The following CDH4 variants were observed in gnomAD, a reference collection of about 807,000 sequenced individuals.
CDH4 encodes the protein cadherin 4.
Under a neutral mutation model 86.0 loss-of-function variants are expected in CDH4, and 33 were observed. The observed-to-expected ratio is 0.38, with a 90% CI of 0.29 to 0.51. The LOEUF is 0.51. Among genes scored for constraint, CDH4 ranks in the 20% least tolerant of loss-of-function variants. The pLI is 0.86. For synonymous variants in CDH4, 555 were observed against 549.4 expected (o/e 1.01, Z -0.14); for missense variants, 1,114 against 1,307.4 (o/e 0.85, Z 2.28).
intron 3 of CDH4, 21 bp downstream of exon 3, chr20:61,743,810 T>G: frequency 6.5e-7 from 1 of 1,549,008 alleles, no homozygotes; most frequent in South Asian, 1.2e-5. Context: ...ACCGCCCGGG[T>G]CTGCGCTGGA....
intron 2 of CDH4, 21 bp downstream of exon 2, chr20:61,254,958 G>T: frequency 1.5e-6 from 2 of 1,365,944 alleles, no homozygotes; most frequent in East Asian, 2.3e-5. Flanking sequence ...GTGTGGAGGG[G>T]TGGGAGTGAA....
chr20:61,619,697 G>A (rs184322219), intron 2 of CDH4, among the ~76,000 whole-genome samples: 15 of 152,348 alleles, frequency 9.8e-5, no homozygotes, highest in South Asian at 2.1e-4. Context: ...ATGTCAAGCC[G>A]TTGTGATCTG....
chr20:61,662,356 G>A (rs903745158), intron 2 of CDH4, among the ~76,000 whole-genome samples: 1 of 152,242 alleles, frequency 6.6e-6, no homozygotes, highest in African/African-American at 2.4e-5. Flanking sequence ...CTCTGTCAGG[G>A]CAAGTGTAGC....
intron 11 of CDH4, among the ~76,000 whole-genome samples, chr20:61,926,521 C>T (rs1386203721): frequency 1.3e-5 from 2 of 152,176 alleles, no homozygotes; most frequent in Non-Finnish European, 2.9e-5. Flanking sequence ...TCAGGGGAAG[C>T]GTCTCCCCTT....
chr20:61,311,859 C>T (rs1017090440), intron 2 of CDH4, among the ~76,000 whole-genome samples: 4 of 152,262 alleles, frequency 2.6e-5, no homozygotes, highest in Admixed American at 6.5e-5. Flanking sequence ...CAGGGCGGGG[C>T]GGCCAGTGCA....
Position 61,252,637 on chromosome 20 carries a change from C to T in CDH4, c.57+67C>T. On this transcript the variant is annotated intron_variant, in intron 1 of 15. Transcript: ENST00000614565. This position sits in a 1 kb window ranked among gnomAD's most constrained non-coding sequence, Gnocchi z 4.4. ...GCAGCGGGAGGTCGTCCCCGGATCCCGCGGGGCGCTCACACACCCGGCGGG... is the reference window on the plus strand; with the variant it reads ...GCAGCGGGAGGTCGTCCCCGGATCCTGCGGGGCGCTCACACACCCGGCGGG... The T allele has an allele frequency of 9.0e-6, 9 of 999,522 alleles. No individual in the cohort carries two copies. In the South Asian group the frequency reaches 2.5e-4, roughly 28 times the overall value. The allele number at this position is 999,522 out of a possible 1,614,324, so 61.9% of individuals were successfully genotyped here.
chr20:61,494,695 A>G (rs1457862539), intron 2 of CDH4, among the ~76,000 whole-genome samples: 2 of 152,254 alleles, frequency 1.3e-5, no homozygotes, highest in African/African-American at 4.8e-5. Context: ...TCTCTAAGAG[A>G]CATCTAGTCA....
chr20:61,928,521 G>A, intron 12 of CDH4, 98 bp downstream of exon 12: 1 of 995,380 alleles, frequency 1.0e-6, no homozygotes, highest in Non-Finnish European at 1.5e-6. Flanking sequence ...CCAGAGGTGG[G>A]TGACAGTCCT....
chr20:61,668,221 C>A (rs1300881174), intron 2 of CDH4, among the ~76,000 whole-genome samples: 1 of 152,214 alleles, frequency 6.6e-6, no homozygotes, highest in Non-Finnish European at 1.5e-5. Context: ...GTGTATTTAT[C>A]TAGCGGGAGG....
At chr20:61,497,219 T>C (rs895540879) in intron 2 of CDH4, among the ~76,000 whole-genome samples, 1 of 152,202 alleles carries the variant, frequency 6.6e-6, no homozygotes, top group African/African-American at 2.4e-5. Flanking sequence ...TTCTGGTATG[T>C]TACTGGTGGG....
In CDH4 at chr20:61,528,351, C is replaced by A. The variant is rs191440325; in HGVS notation, c.170-215212C>A. ...GAGATCATGCCATTGCACTCCAGCC[C>A]GGGTGAAAGAGCGAGACTCCCTTTC... is the stretch of plus-strand genomic sequence containing the variant. On this transcript the variant is annotated intron_variant, in intron 2 of 15. Transcript: ENST00000614565. Among the ~76,000 whole-genome samples the A allele has an allele frequency of 1.7e-3, 221 of 127,312 alleles. 1 individual carries two copies. Among genetic ancestry groups the A allele is most frequent in the African/African-American group, 7.6e-3 (214 of 28,300 alleles). 83.5% of individuals were successfully genotyped at this position (127,312 alleles called of 152,430 possible).
At chr20:61,655,381 TACAC>T (rs755140464) in intron 2 of CDH4, among the ~76,000 whole-genome samples, 8 of 151,952 alleles carry the variant, frequency 5.3e-5, no homozygotes, top group African/African-American at 1.7e-4. Flanking sequence ...CACACACACT[TACAC>T]ACACACACAT....
rs375288683 is a variant in CDH4, at chr20:61,853,043, C to T, written c.877+145C>T. The T allele has an allele frequency of 5.4e-4, 454 of 835,894 alleles. 7 individuals are homozygous for T. In the South Asian group the frequency reaches 8.1e-3, roughly 15 times the overall value. The allele number at this position is 835,894 out of a possible 1,614,324, so 51.8% of individuals were successfully genotyped here. A position where few individuals can be genotyped will look rare whatever the true frequency, so the allele number is the denominator to read the frequency against. ...GCGCAGACACACAGCATGCAGCAGA[C>T]GTCCACCAAAGCCCCTGCTCTCACA... On this transcript the variant is annotated intron_variant, in intron 6 of 15. Transcript: ENST00000614565.
At chr20:61,713,054 G>A (rs531083283) in intron 2 of CDH4, among the ~76,000 whole-genome samples, 137 of 152,312 alleles carry the variant, frequency 9.0e-4, no homozygotes, top group Middle Eastern at 3.4e-3. Context: ...GTCCACTGTC[G>A]TTCACTCATG....
intron 2 of CDH4, among the ~76,000 whole-genome samples, chr20:61,288,381 C>T (rs546290801): frequency 6.6e-5 from 10 of 152,284 alleles, no homozygotes; most frequent in Admixed American, 5.2e-4. Context: ...GCGTTCAAAG[C>T]GGTGGCCATT....
At chr20:61,691,331 ATGTG>A (rs747582894) in intron 2 of CDH4, among the ~76,000 whole-genome samples, 5 of 150,260 alleles carry the variant, frequency 3.3e-5, no homozygotes, top group African/African-American at 1.2e-4. Flanking sequence ...GTGCAAGTGG[ATGTG>A]TGTATGTGTG....
At position 61,521,929 on chromosome 20, in the gene CDH4, G is replaced by T. The variant is rs979091209; in HGVS notation, c.170-221634G>T. Among the ~76,000 whole-genome samples the T allele has an allele frequency of 1.4e-3, 208 of 152,322 alleles. 1 individual carries two copies. The highest frequency in any genetic ancestry group is 4.7e-3 in the African/African-American group (196 of 41,578). The stretch of plus-strand genomic sequence containing the variant: ...GGGCCACCTTGCTGTGACTCATGGA[G>T]TTTATCTTCCTGCCACAAGTGAGCA... On this transcript the variant is annotated intron_variant, in intron 2 of 15. Transcript: ENST00000614565.
rs762639968 is a variant in CDH4, at chr20:61,663,427, G to T, written c.170-80136G>T. ...CGCTGAAACCTAGAAAAAGAGCTGC[G>T]TAAAAGACAATAATTCTGAAGGCTC... On this transcript the variant is annotated intron_variant, in intron 2 of 15. Transcript: ENST00000614565. The surrounding 1 kb of genome is among the most constrained non-coding windows in gnomAD (Gnocchi z 5.0). 2.0e-5 allele frequency among the ~76,000 whole-genome samples: 3 copies of T among 152,224 alleles called. No individual in the cohort carries two copies. The highest frequency in any genetic ancestry group is 4.4e-5 in the Non-Finnish European group (3 of 68,040).
At chr20:61,680,894 T>C (rs535563351) in intron 2 of CDH4, among the ~76,000 whole-genome samples, 11 of 152,204 alleles carry the variant, frequency 7.2e-5, no homozygotes, top group African/African-American at 2.4e-4. Context: ...TGGCCGCCTG[T>C]CTCCAGGATG....
Sources: gnomAD v4.1 joint callset for allele counts (sites outside exome capture counted in the v4.1 genomes callset) on GRCh38, gnomAD v4.1.1 for gene constraint, Gnocchi (gnomAD v3.1) non-coding constraint, MANE v1.5 for transcripts, NCBI Gene and HGNC (gene_info 2026-07-23, HGNC 2026-07-21) for gene names.